Variants in EPHA3 observed in about 807,000 individuals in gnomAD.
The protein encoded by EPHA3 is EPH receptor A3.
In EPHA3, 42 loss-of-function variants were observed where a neutral mutation model predicts 107.1. That is an observed-to-expected ratio of 0.39 (90% CI 0.31 to 0.51). The LOEUF is 0.51. EPHA3 is among the 20% of genes least tolerant of loss of function. EPHA3 has a pLI of 0.78. For missense variants in EPHA3, 1,183 were observed against 1,211.2 expected (o/e 0.98, Z 0.35); for synonymous variants, 461 against 424.8 (o/e 1.09, Z -1.05).
intron 7 of EPHA3, among the ~76,000 whole-genome samples, chr3:89,402,594 T>G (rs1708985961): frequency 1.3e-5 from 2 of 152,124 alleles, no homozygotes; most frequent in African/African-American, 2.4e-5. Context: ...AAGACTCTTA[T>G]TTGTTATATA....
chr3:89,429,572 C>T (rs1050190363), intron 12 of EPHA3, among the ~76,000 whole-genome samples: 5 of 152,072 alleles, frequency 3.3e-5, no homozygotes, highest in Non-Finnish European at 7.4e-5. Context: ...CCAAACAGTG[C>T]TGTCAGAAAA....
chr3:89,350,992 G>A (rs964980281), intron 5 of EPHA3, among the ~76,000 whole-genome samples: 8 of 151,564 alleles, frequency 5.3e-5, no homozygotes, highest in South Asian at 2.1e-4. Flanking sequence ...CTCCAGCTGC[G>A]TGTTGGGAGA....
intron 2 of EPHA3, among the ~76,000 whole-genome samples, chr3:89,142,460 G>A (rs1326065156): frequency 7.9e-5 from 12 of 151,244 alleles, no homozygotes; most frequent in Admixed American, 2.6e-4. Context: ...TGTGGCCATA[G>A]GCCTGCTTTA....
At chr3:89,118,527 T>C (rs1707307427) in intron 1 of EPHA3, among the ~76,000 whole-genome samples, 1 of 151,964 alleles carries the variant, frequency 6.6e-6, no homozygotes, top group Non-Finnish European at 1.5e-5. Context: ...GCATGTTTTA[T>C]TTTATGTTTG....
chr3:89,239,170 C>T (rs1559614399), intron 3 of EPHA3, among the ~76,000 whole-genome samples: 2 of 152,156 alleles, frequency 1.3e-5, no homozygotes, highest in Non-Finnish European at 2.9e-5. Context: ...TAACTGTATA[C>T]ACTGCACTAT....
At chr3:89,214,901 A>T (rs1704188143) in intron 3 of EPHA3, among the ~76,000 whole-genome samples, 1 of 151,942 alleles carries the variant, frequency 6.6e-6, no homozygotes, top group African/African-American at 2.4e-5. Flanking sequence ...GCAATGCAAA[A>T]ATAAAATTAA....
intron 2 of EPHA3, among the ~76,000 whole-genome samples, chr3:89,209,473 C>G (rs1474879660): frequency 6.6e-6 from 1 of 152,040 alleles, no homozygotes; most frequent in South Asian, 2.1e-4. Context: ...GATTAATAAG[C>G]ATGAATTTTA....
chr3:89,381,955 G>A (rs991745363), intron 5 of EPHA3, among the ~76,000 whole-genome samples: 6 of 152,056 alleles, frequency 3.9e-5, no homozygotes, highest in Admixed American at 1.3e-4. Context: ...TTGTAGTATT[G>A]TTATAGCAGC....
rs146509937 is a variant in EPHA3, at chr3:89,184,725, G to A, written c.154-25135G>A. Among the ~76,000 whole-genome samples the A allele has an allele frequency of 1.6e-3, 243 of 152,086 alleles. 2 individuals carry two copies. The highest frequency in any genetic ancestry group is 5.6e-3 in the African/African-American group (234 of 41,552). ...GAAGCAAAACTCTTGAAATGGATTC[G>A]TTTCAGCATTTTCTTCCCCACATCT... On this transcript the variant is annotated intron_variant, in intron 2 of 16. Coordinates refer to ENST00000336596, the MANE Select transcript of EPHA3 (RefSeq NM_005233.6).
At chr3:89,402,616 A>T (rs1708986821) in intron 7 of EPHA3, among the ~76,000 whole-genome samples, 1 of 149,724 alleles carries the variant, frequency 6.7e-6, no homozygotes, top group Non-Finnish European at 1.5e-5. Context: ...TGATTTTTTT[A>T]AAAAATAGAC....
In EPHA3 at chr3:89,466,692, C is replaced by A. The variant is rs1293020667; in HGVS notation, c.2691-5772C>A. 3.0e-5 allele frequency among the ~76,000 whole-genome samples: 4 copies of A among 132,068 alleles called. 1 individual carries two copies. The highest frequency in any genetic ancestry group is 6.7e-5 in the Non-Finnish European group (4 of 60,074). The allele number at this position is 132,068 out of a possible 152,430, so 86.6% of individuals were successfully genotyped here. ...CAATGCCTCGCCCTGCTTCGGCTCG[C>A]GCACGGTGCGCACACACACTGGCCT... On this transcript the variant is annotated intron_variant, in intron 15 of 16. Transcript: ENST00000336596.
intron 3 of EPHA3, among the ~76,000 whole-genome samples, chr3:89,294,386 A>T (rs1706294165): frequency 6.6e-6 from 1 of 152,292 alleles, no homozygotes; most frequent in African/African-American, 2.4e-5. Flanking sequence ...AATTACAGTT[A>T]AAAATGCATT....
chr3:89,299,356 A>T (rs1360241496), intron 3 of EPHA3, among the ~76,000 whole-genome samples: 1 of 152,034 alleles, frequency 6.6e-6, no homozygotes, highest in Non-Finnish European at 1.5e-5. Flanking sequence ...GTGACTAATT[A>T]TATGCAAGAA....
intron 3 of EPHA3, among the ~76,000 whole-genome samples, chr3:89,331,885 A>G (rs1707297139): frequency 6.6e-6 from 1 of 152,112 alleles, no homozygotes; most frequent in African/African-American, 2.4e-5. Flanking sequence ...TATACATTCC[A>G]ATGCTGTTCT....
At chr3:89,422,248 C>G (rs1709366075) in intron 11 of EPHA3, among the ~76,000 whole-genome samples, 1 of 144,618 alleles carries the variant, frequency 6.9e-6, no homozygotes, top group Non-Finnish European at 1.5e-5. Context: ...GATTGTGTTT[C>G]CAAAAGAAGC....
intron 15 of EPHA3, among the ~76,000 whole-genome samples, chr3:89,458,786 C>T (rs1710153718): frequency 6.6e-6 from 1 of 152,058 alleles, no homozygotes; most frequent in African/African-American, 2.4e-5. Flanking sequence ...ACCCAAATGC[C>T]CATCAATGAT....
chr3:89,370,495 T>C (rs57670516), intron 5 of EPHA3, among the ~76,000 whole-genome samples: 33,389 of 144,354 alleles, frequency 0.23, 4,021 homozygotes, highest in Non-Finnish European at 0.27. Context: ...CATCATACTC[T>C]GGGGACTGTT....
At chr3:89,235,932 T>C (rs1366935985) in intron 3 of EPHA3, among the ~76,000 whole-genome samples, 1 of 151,978 alleles carries the variant, frequency 6.6e-6, no homozygotes, top group Non-Finnish European at 1.5e-5. Context: ...TAAAGTAGAA[T>C]TCCCCCCACA....
chr3:89,179,462 A>G (rs1705389511), intron 2 of EPHA3, among the ~76,000 whole-genome samples: 1 of 152,068 alleles, frequency 6.6e-6, no homozygotes, highest in South Asian at 2.1e-4. Context: ...ATCATGATTC[A>G]TAGTGAGTCT....
Sources: gnomAD v4.1 joint callset for allele counts (sites outside exome capture counted in the v4.1 genomes callset) on GRCh38, gnomAD v4.1.1 for gene constraint, MANE v1.5 for transcripts, NCBI Gene and HGNC (gene_info 2026-07-23, HGNC 2026-07-21) for gene names.